SUPT3H: variants seen among roughly 807,000 people sequenced by gnomAD.
The protein encoded by SUPT3H is transcription initiation protein SPT3 homolog.
A neutral mutation model predicts 44.3 loss-of-function variants in SUPT3H; 44 were observed. The observed-to-expected ratio is 0.99, with a 90% CI of 0.78 to 1.28. The LOEUF (loss-of-function observed/expected upper bound fraction) is 1.28. Among genes scored for constraint, SUPT3H ranks in the 50% most tolerant of loss-of-function variants. SUPT3H has a pLI of 0.00. For missense variants in SUPT3H, 380 were observed against 387.1 expected (o/e 0.98, Z 0.15); for synonymous variants, 124 against 125.6 (o/e 0.99, Z 0.09).
chr6:45,018,493 T>C (rs868755620), intron 4 of SUPT3H, among the ~76,000 whole-genome samples: 1 of 152,112 alleles, frequency 6.6e-6, no homozygotes, highest in Non-Finnish European at 1.5e-5. Context: ...TTGTCATAGA[T>C]AGCTCTTATT....
intron 5 of SUPT3H, among the ~76,000 whole-genome samples, chr6:45,007,718 C>A (rs1417293692): frequency 4.0e-5 from 6 of 151,514 alleles, no homozygotes; most frequent in Non-Finnish European, 1.5e-5. Flanking sequence ...ACTCCCCTCA[C>A]CCTAAGTATT....
rs1190739085 is a variant in SUPT3H, at chr6:44,928,885, AAAAAAAAAAAAAAAAAAAAG to A, written c.912+3748_912+3767del. 1.7e-4 allele frequency among the ~76,000 whole-genome samples: 21 copies of A among 120,688 alleles called. 2 individuals carry two copies. In the South Asian group the frequency reaches 5.9e-3, roughly 34 times the overall value. The allele number at this position is 120,688 out of a possible 152,430, so 79.2% of individuals were successfully genotyped here. A position where few individuals can be genotyped will look rare whatever the true frequency, so the allele number is the denominator to read the frequency against. ...GCGACAGAACGAGACTCCGTCTCAA[AAAAAAAAAAAAAAAAAAAAG>A]AAAAGAAAAGAAACAAATCACCAAT... On this transcript the variant is annotated intron_variant, in intron 10 of 10. Transcript: ENST00000371459.
At chr6:45,097,022 A>G (rs747156728) in intron 3 of SUPT3H, among the ~76,000 whole-genome samples, 4 of 152,172 alleles carry the variant, frequency 2.6e-5, no homozygotes, top group Non-Finnish European at 4.4e-5. Context: ...AGTATAATAT[A>G]TATCAGGCAT....
chr6:45,146,642 A>G (rs1806123725), intron 2 of SUPT3H, among the ~76,000 whole-genome samples: 1 of 152,176 alleles, frequency 6.6e-6, no homozygotes. Context: ...TTAAGTGCAT[A>G]ATACATGTAG....
At chr6:45,160,529 T>C (rs1264127314) in intron 2 of SUPT3H, among the ~76,000 whole-genome samples, 1 of 152,134 alleles carries the variant, frequency 6.6e-6, no homozygotes, top group Non-Finnish European at 1.5e-5. Flanking sequence ...ACTAAAAATA[T>C]TGTTTTAGCT....
intron 10 of SUPT3H, among the ~76,000 whole-genome samples, chr6:44,893,354 T>C (rs1763602985): frequency 6.6e-6 from 1 of 152,134 alleles, no homozygotes; most frequent in Non-Finnish European, 1.5e-5. Context: ...ATTAGCTATA[T>C]CTCCCAATGC....
At chr6:45,168,983 G>T (rs1379974751) in intron 2 of SUPT3H, among the ~76,000 whole-genome samples, 1 of 152,252 alleles carries the variant, frequency 6.6e-6, no homozygotes, top group East Asian at 1.9e-4. Context: ...AATTCCAGTG[G>T]CACTGTTGAA....
At chr6:44,812,495 G>A (rs552510364) in intron 11 of SUPT3H, among the ~76,000 whole-genome samples, 2 of 152,096 alleles carry the variant, frequency 1.3e-5, no homozygotes, top group African/African-American at 4.8e-5. Flanking sequence ...GGATAATCTA[G>A]GATAACCTCT....
At chr6:44,924,797 G>C (rs1769271216) in intron 10 of SUPT3H, among the ~76,000 whole-genome samples, 1 of 151,966 alleles carries the variant, frequency 6.6e-6, no homozygotes, top group Non-Finnish European at 1.5e-5. Context: ...TTTCCAATCT[G>C]TAATAATAGA....
intron 10 of SUPT3H, among the ~76,000 whole-genome samples, chr6:44,866,554 C>G (rs1484836915): frequency 6.6e-6 from 1 of 151,694 alleles, no homozygotes; most frequent in Admixed American, 6.6e-5. Context: ...AGCTTTACAA[C>G]TGTCTTCTAT....
intron 2 of SUPT3H, among the ~76,000 whole-genome samples, chr6:45,304,158 A>G (rs2149946253): frequency 6.6e-6 from 1 of 152,252 alleles, no homozygotes; most frequent in Admixed American, 6.5e-5. Context: ...TTATAAATGG[A>G]AAAATAATAT....
intron 3 of SUPT3H, among the ~76,000 whole-genome samples, chr6:45,069,590 C>T (rs962254186): frequency 6.6e-6 from 1 of 152,060 alleles, no homozygotes; most frequent in South Asian, 2.1e-4. Context: ...AAACAGTACA[C>T]TCATAGTCAC....
At chr6:44,994,032 A>G (rs1780944847) in intron 6 of SUPT3H, among the ~76,000 whole-genome samples, 1 of 152,168 alleles carries the variant, frequency 6.6e-6, no homozygotes, top group African/African-American at 2.4e-5. Context: ...TATATGGCTC[A>G]AAAACAAAAC....
intron 2 of SUPT3H, among the ~76,000 whole-genome samples, chr6:45,158,607 T>C (rs1245694958): frequency 2.4e-5 from 2 of 83,742 alleles, no homozygotes; most frequent in Non-Finnish European, 4.4e-5. Flanking sequence ...AGGGATGACT[T>C]GGGGATACCT....
chr6:45,048,719 G>A (rs922590258), intron 3 of SUPT3H, among the ~76,000 whole-genome samples: 32 of 152,076 alleles, frequency 2.1e-4, no homozygotes, highest in Non-Finnish European at 2.9e-4. Context: ...TAAAAAGGTA[G>A]GAAGTTCTGT....
intron 2 of SUPT3H, among the ~76,000 whole-genome samples, chr6:45,176,754 T>C (rs1170687774): frequency 2.0e-5 from 3 of 152,188 alleles, no homozygotes; most frequent in Non-Finnish European, 4.4e-5. Context: ...CCTCCTCAAG[T>C]GGGTCCCTGA....
At position 45,105,902 on chromosome 6, in the gene SUPT3H, C is replaced by A; in HGVS notation, c.186+20G>T. 2 of 1,588,492 alleles carry A rather than the reference C, an allele frequency of 1.3e-6. No homozygotes were observed. Among genetic ancestry groups the A allele is most frequent in the South Asian group, 1.1e-5 (1 of 89,396 alleles). On this transcript the variant is annotated intron_variant, in intron 3 of 10. Transcript: ENST00000371459. The stretch of plus-strand genomic sequence containing the variant: ...AGAATGCAGAGAAGAGAAACCAAAT[C>A]AAATTATATATGCTCTTACCAGATT...
intron 2 of SUPT3H, among the ~76,000 whole-genome samples, chr6:45,349,497 A>G (rs1348226631): frequency 2.6e-5 from 4 of 152,198 alleles, no homozygotes; most frequent in African/African-American, 9.7e-5. Flanking sequence ...ATTTATTTGA[A>G]AGGCAAATTG....
At chr6:45,127,908 A>G (rs1437926232) in intron 2 of SUPT3H, among the ~76,000 whole-genome samples, 1 of 152,202 alleles carries the variant, frequency 6.6e-6, no homozygotes, top group African/African-American at 2.4e-5. Flanking sequence ...GTTTACTATC[A>G]TAGGGTGAAT....
Sources: allele counts gnomAD v4.1 joint callset (sites outside exome capture counted in the v4.1 genomes callset), GRCh38; gene constraint gnomAD v4.1.1; transcripts MANE v1.5; gene names NCBI Gene and HGNC (gene_info 2026-07-23, HGNC 2026-07-21).